VDAC1: variants seen among roughly 807,000 people sequenced by gnomAD.
VDAC1 encodes voltage dependent anion channel 1, also known as non-selective voltage-gated ion channel VDAC1.
A neutral mutation model predicts 34.7 loss-of-function variants in VDAC1; 10 were observed. The ratio of observed to expected loss-of-function variants is 0.29; its 90% CI spans 0.18 to 0.49. The LOEUF (loss-of-function observed/expected upper bound fraction) is 0.49, where lower values mean the gene tolerates loss of function less well. Ranked by LOEUF, VDAC1 falls within the 20% of genes least tolerant of loss-of-function variation. The pLI, the probability that VDAC1 is intolerant of heterozygous loss-of-function variation, is 0.99. For missense variants in VDAC1, 230 were observed against 347.9 expected, an observed-to-expected ratio of 0.66 and a Z score of 2.69; for synonymous variants, 130 against 136.0, an observed-to-expected ratio of 0.96 and a Z score of 0.30.
chr5:134,114,322 G>A, the VDAC1 span, among the ~76,000 whole-genome samples: 2 of 152,096 alleles, frequency 1.3e-5, no homozygotes, highest in African/African-American at 2.4e-5. Flanking sequence ...TTGGAGCCTG[G>A]GCACGATACA....
the VDAC1 span, among the ~76,000 whole-genome samples, chr5:134,017,615 A>G: frequency 6.6e-6 from 1 of 152,168 alleles, no homozygotes; most frequent in Non-Finnish European, 1.5e-5. Flanking sequence ...AATGGTGAGT[A>G]AACAAATAAC....
chr5:134,108,818 C>T, the VDAC1 span, among the ~76,000 whole-genome samples: 1 of 152,164 alleles, frequency 6.6e-6, no homozygotes, highest in Non-Finnish European at 1.5e-5. Flanking sequence ...ACCTAGGTCC[C>T]AGGGACCCTA....
chr5:134,051,722 G>A, the VDAC1 span, among the ~76,000 whole-genome samples: 1 of 143,844 alleles, frequency 7.0e-6, no homozygotes, highest in South Asian at 2.2e-4. Context: ...TTTTTGAGAT[G>A]GAGTCTTGCT....
At chr5:134,103,504 C>T in the VDAC1 span, among the ~76,000 whole-genome samples, 19 of 152,344 alleles carry the variant, frequency 1.2e-4, no homozygotes, top group African/African-American at 3.8e-4. Flanking sequence ...GAGAGATCGA[C>T]TCCCCTCTGC....
At chr5:134,084,032 A>G in the VDAC1 span, among the ~76,000 whole-genome samples, 1 of 152,238 alleles carries the variant, frequency 6.6e-6, no homozygotes, top group Non-Finnish European at 1.5e-5. Flanking sequence ...ATAGGGGGCA[A>G]ATTATGCTAT....
At chr5:134,061,088 C>A in the VDAC1 span, among the ~76,000 whole-genome samples, 1 of 150,308 alleles carries the variant, frequency 6.7e-6, no homozygotes, top group Non-Finnish European at 1.5e-5. Flanking sequence ...TGGTCTCGAA[C>A]TCCTGACCTC....
At chr5:134,042,390 C>T in the VDAC1 span, among the ~76,000 whole-genome samples, 27 of 152,242 alleles carry the variant, frequency 1.8e-4, no homozygotes, top group Admixed American at 1.5e-3. Context: ...CCCACAGGCC[C>T]ATGCTGGGTG....
the VDAC1 span, among the ~76,000 whole-genome samples, chr5:134,021,044 T>C: frequency 6.6e-6 from 1 of 150,504 alleles, no homozygotes; most frequent in Non-Finnish European, 1.5e-5. Context: ...GGTGTGCAAC[T>C]GTAGTCCCAG....
chr5:134,037,443 T>C, the VDAC1 span, among the ~76,000 whole-genome samples: 1 of 152,224 alleles, frequency 6.6e-6, no homozygotes, highest in South Asian at 2.1e-4. Flanking sequence ...ATAGCACCCC[T>C]GATGATTAAT....
chr5:133,977,836 A>G (rs964917605), intron 6 of VDAC1, among the ~76,000 whole-genome samples: 1 of 152,180 alleles, frequency 6.6e-6, no homozygotes, highest in Non-Finnish European at 1.5e-5. Context: ...GCCCATCTGT[A>G]CTGTTTGATT....
chr5:134,086,021 T>C, the VDAC1 span, among the ~76,000 whole-genome samples: 4 of 152,072 alleles, frequency 2.6e-5, no homozygotes, highest in African/African-American at 9.7e-5. Context: ...GGTGAAACCC[T>C]GTGTCTACTA....
At position 133,983,110 on chromosome 5, in the gene VDAC1, G is replaced by A. The variant is rs143833663; in HGVS notation, c.324-2154C>T. On this transcript the variant is annotated intron_variant, in intron 5 of 8. Coordinates refer to ENST00000265333, the MANE Select transcript of VDAC1 (RefSeq NM_003374.3). Reference sequence around the variant, plus strand: ...ACTAAAAACACAAAATTAGCCGGGTGTGGTGGCCCATGCCTGTAATCCCAG... The same window carrying A: ...ACTAAAAACACAAAATTAGCCGGGTATGGTGGCCCATGCCTGTAATCCCAG... 1.0e-3 allele frequency among the ~76,000 whole-genome samples: 155 copies of A among 152,046 alleles called. No individual in the cohort carries two copies. In the East Asian group the frequency reaches 0.019, roughly 19 times the overall value.
the VDAC1 span, among the ~76,000 whole-genome samples, chr5:134,033,853 G>A: frequency 2.1e-4 from 32 of 152,064 alleles, no homozygotes; most frequent in African/African-American, 7.7e-4. Flanking sequence ...TTAGCCGGGA[G>A]TGGTGGCAGG....
the VDAC1 span, among the ~76,000 whole-genome samples, chr5:134,070,007 C>T: frequency 2.0e-5 from 3 of 152,052 alleles, no homozygotes; most frequent in Non-Finnish European, 4.4e-5. Context: ...AGAAAGTTAC[C>T]CTATACGGTC....
chr5:134,018,944 G>A, the VDAC1 span, among the ~76,000 whole-genome samples: 1 of 152,078 alleles, frequency 6.6e-6, no homozygotes, highest in East Asian at 1.9e-4. Flanking sequence ...CGGGAGGACT[G>A]CACACTCTCC....
chr5:134,005,816 A>T (rs1046318303), upstream of VDAC1, among the ~76,000 whole-genome samples: 7 of 152,180 alleles, frequency 4.6e-5, no homozygotes, highest in African/African-American at 1.2e-4. Context: ...TCGTAGATGG[A>T]CGAAGATTCT....
At chr5:134,037,417 T>C in the VDAC1 span, among the ~76,000 whole-genome samples, 1 of 152,234 alleles carries the variant, frequency 6.6e-6, no homozygotes, top group Non-Finnish European at 1.5e-5. Context: ...GGGCTTGCTC[T>C]GGTGACCTGA....
upstream of VDAC1, among the ~76,000 whole-genome samples, chr5:134,006,545 C>A (rs565827385): frequency 6.6e-6 from 1 of 152,176 alleles, no homozygotes; most frequent in East Asian, 1.9e-4. Context: ...GACTTCGAGA[C>A]CAGCCTGGGC....
chr5:134,082,805 A>G, the VDAC1 span, among the ~76,000 whole-genome samples: 2 of 152,210 alleles, frequency 1.3e-5, no homozygotes, highest in Admixed American at 1.3e-4. Flanking sequence ...TTTAATCTGC[A>G]TTTCCCTGAT....
Sources: allele counts gnomAD v4.1 joint callset (sites outside exome capture counted in the v4.1 genomes callset), GRCh38; gene constraint gnomAD v4.1.1; transcripts MANE v1.5; gene names NCBI Gene and HGNC (gene_info 2026-07-23, HGNC 2026-07-21).